The following RBMXL1 variants were observed in gnomAD, a reference collection of about 807,000 sequenced individuals.
RBMXL1 encodes RNA binding motif protein, X-linked-like-1.
RBMXL1 carries 18 observed loss-of-function variants against 29.0 expected under a neutral mutation model. The ratio of observed to expected loss-of-function variants is 0.62; its 90% confidence interval spans 0.43 to 0.92. The LOEUF (loss-of-function observed/expected upper bound fraction) is 0.92. RBMXL1 is among the 40% of genes least tolerant of loss of function. The probability of loss-of-function intolerance (pLI) is 0.00; values close to 1 mark genes in which losing one functional copy is unlikely to be tolerated. For synonymous variants in RBMXL1, 141 were observed against 170.4 expected (o/e 0.83, Z 1.34); for missense variants, 403 against 495.8 (o/e 0.81, Z 1.78).
chr1:88,984,463 C>T (rs1039221433), intron 2 of RBMXL1, among the ~76,000 whole-genome samples: 1 of 152,110 alleles, frequency 6.6e-6, no homozygotes, highest in Non-Finnish European at 1.5e-5. Context: ...CCGCCTGCCT[C>T]GGCCTCCCAG....
At position 88,986,048 on chromosome 1, in the gene RBMXL1, G is replaced by A. The variant is rs568057678; in HGVS notation, c.-240-1982C>T. Among the ~76,000 whole-genome samples, 5 of 152,198 alleles carry A rather than the reference G, an allele frequency of 3.3e-5. No homozygotes were observed. The South Asian group carries it at 8.3e-4, about 25-fold the overall frequency. On this transcript the variant is annotated intron_variant, in intron 2 of 2. Transcript: ENST00000652648. ...ATACAAATATTGGCCGGGAGTGGTGGCGGGCACCTATAGTCCCAGCTACTC... is the reference window on the plus strand; with the variant it reads ...ATACAAATATTGGCCGGGAGTGGTGACGGGCACCTATAGTCCCAGCTACTC...
chr1:88,992,324 G>C (rs1333003293), intron 1 of RBMXL1, among the ~76,000 whole-genome samples: 1 of 152,228 alleles, frequency 6.6e-6, no homozygotes, highest in African/African-American at 2.4e-5. Context: ...CCTTCTAAAA[G>C]CCCAAACAGC....
intron 2 of RBMXL1, among the ~76,000 whole-genome samples, chr1:88,986,652 T>C (rs1161512434): frequency 6.6e-6 from 1 of 152,098 alleles, no homozygotes; most frequent in Admixed American, 6.5e-5. Flanking sequence ...AAAATGTTTT[T>C]GTAAAAAAGC....
In RBMXL1 at chr1:88,988,212, A is replaced by G. The variant is rs749043742; in HGVS notation, c.-241+40T>C. The G allele has an allele frequency of 2.9e-6, 4 of 1,359,336 alleles. No individual in the cohort carries two copies. The African/African-American group carries it at 5.8e-5, about 20-fold the overall frequency. The allele number at this position is 1,359,336 out of a possible 1,614,324, so 84.2% of individuals were successfully genotyped here. A position where few individuals can be genotyped will look rare whatever the true frequency, so the allele number is the denominator to read the frequency against. On this transcript the variant is annotated intron_variant, in intron 2 of 2. Coordinates refer to ENST00000652648, the MANE Select transcript of RBMXL1 (RefSeq NM_001162536.3). Reference sequence around the variant, plus strand: ...ATTACATATTTTTTGGACAGTGCAGAATATGTACAATAATTTATCTGTAAG... The same window carrying G: ...ATTACATATTTTTTGGACAGTGCAGGATATGTACAATAATTTATCTGTAAG...
At position 88,980,019 on chromosome 1, in the gene RBMXL1, T is replaced by C. The variant is rs1676999804; in HGVS notation, c.*2635A>G. 1 of 152,196 alleles carries C rather than the reference T, an allele frequency of 6.6e-6. No individual in the cohort carries two copies. The highest frequency in any genetic ancestry group is 2.1e-4 in the South Asian group (1 of 4,832). The allele number at this position is 152,196 out of a possible 1,614,324, so 9.4% of individuals were successfully genotyped here. ...AATAAGCTACTGATACACTGCAACC[T>C]GGTGAATTTCAAAGTCATTGTGTGT... is the stretch of plus-strand genomic sequence containing the variant. On this transcript the variant is annotated 3_prime_UTR_variant, in exon 3 of 3. Transcript: ENST00000652648.
At chr1:88,984,997 T>C (rs1386751443) in intron 2 of RBMXL1, among the ~76,000 whole-genome samples, 2 of 152,270 alleles carry the variant, frequency 1.3e-5, no homozygotes, top group Non-Finnish European at 2.9e-5. Flanking sequence ...TTCATTTTTA[T>C]ATTTGTATGA....
At chr1:88,989,763 T>A (rs1028375046) in intron 1 of RBMXL1, among the ~76,000 whole-genome samples, 1 of 152,202 alleles carries the variant, frequency 6.6e-6, no homozygotes, top group Non-Finnish European at 1.5e-5. Context: ...TGCCCCTAAA[T>A]CTAAGTCTAC....
rs1310330032 is a variant in RBMXL1 at position 88,980,625 on chromosome 1, G to C, written c.*2029C>G. On this transcript the variant is annotated 3_prime_UTR_variant, in exon 3 of 3. Transcript: ENST00000652648. ...TGATTCTTTTTCCACACGTCTGCTA[G>C]TTCAGTAAACTATTTATCAAACAGG... 6.6e-6 allele frequency: 1 copy of C among 152,510 alleles called. No individual in the cohort carries two copies. The highest frequency in any genetic ancestry group is 1.9e-4 in the East Asian group (1 of 5,204). The allele number at this position is 152,510 out of a possible 1,614,324, so 9.4% of individuals were successfully genotyped here. A position where few individuals can be genotyped will look rare whatever the true frequency, so the allele number is the denominator to read the frequency against.
At chr1:88,986,642 A>G (rs768495371) in intron 2 of RBMXL1, among the ~76,000 whole-genome samples, 2 of 152,134 alleles carry the variant, frequency 1.3e-5, no homozygotes, top group Non-Finnish European at 2.9e-5. Flanking sequence ...GAGAATATGT[A>G]AAATGTTTTT....
chr1:88,986,375 C>T (rs890259497), intron 2 of RBMXL1, among the ~76,000 whole-genome samples: 20 of 151,574 alleles, frequency 1.3e-4, no homozygotes, highest in African/African-American at 4.8e-4. Flanking sequence ...CCTGTAATCC[C>T]AGCACTTTGG....
At chr1:88,991,602 C>G (rs969000049) in intron 1 of RBMXL1, among the ~76,000 whole-genome samples, 1 of 152,200 alleles carries the variant, frequency 6.6e-6, no homozygotes, top group African/African-American at 2.4e-5. Context: ...AAAGCCACGT[C>G]TTTAGAACAA....
At chr1:88,991,187 G>A (rs1187708268) in intron 1 of RBMXL1, among the ~76,000 whole-genome samples, 1 of 152,198 alleles carries the variant, frequency 6.6e-6, no homozygotes, top group African/African-American at 2.4e-5. Context: ...GCCCGAAGCT[G>A]AGAAAGCTGG....
At position 88,983,806 on chromosome 1, in the gene RBMXL1, T is replaced by C; in HGVS notation, c.21A>G (p.Pro7=). The C allele has an allele frequency of 6.2e-7, 1 of 1,614,014 alleles. No individual in the cohort carries two copies. The highest frequency in any genetic ancestry group is 2.2e-5 in the East Asian group (1 of 44,882). Residue 7 remains proline (P), a synonymous_variant, in exon 3 of 3, where the codon CCA becomes CCG. Transcript: ENST00000652648. ...TAAGCCCACCAATGAAGAGCTTTCCTGGGCGATCTGCTTCAACCATTTTTT... is the reference window on the plus strand; with the variant it reads ...TAAGCCCACCAATGAAGAGCTTTCCCGGGCGATCTGCTTCAACCATTTTTT... MVEADR[P]GKLFIGGLNT... is the part of the protein sequence containing the mutation.
At chr1:88,984,126 A>T in intron 2 of RBMXL1, 60 bp from the exon 3 acceptor site, 1 of 397,528 alleles carries the variant, frequency 2.5e-6, no homozygotes, top group East Asian at 4.6e-5. Context: ...GCAGGGAAAG[A>T]TGCTTAAAGA....
chr1:88,980,128 T>C lies in RBMXL1; in HGVS notation c.*2526A>G, dbSNP rs1166378585. ...AACACCACCACAAAGCAAACTAATA[T>C]ATGGTGACAAAGACAAATCAGCAGC... On this transcript the variant is annotated 3_prime_UTR_variant, in exon 3 of 3. Transcript: ENST00000652648. The C allele has an allele frequency of 5.3e-5, 8 of 152,290 alleles. No homozygotes were observed. The highest frequency in any genetic ancestry group is 4.6e-4 in the Admixed American group (7 of 15,282). 9.4% of individuals were successfully genotyped at this position (152,290 alleles called of 1,614,324 possible). A position where few individuals can be genotyped will look rare whatever the true frequency, so the allele number is the denominator to read the frequency against.
chr1:88,992,517 T>C (rs1677871388), intron 1 of RBMXL1, 68 bp downstream of exon 1: 3 of 152,572 alleles, frequency 2.0e-5, no homozygotes, highest in Admixed American at 6.5e-5. Flanking sequence ...CCTCGCCCCG[T>C]ACGCCGGGAC....
chr1:88,980,654 C>T lies in RBMXL1; in HGVS notation c.*2000G>A, dbSNP rs1376121777. 6.6e-6 allele frequency: 1 copy of T among 152,480 alleles called. No homozygotes were observed. Among genetic ancestry groups the T allele is most frequent in the South Asian group, 2.1e-4 (1 of 4,828 alleles). The allele number at this position is 152,480 out of a possible 1,614,324, so 9.4% of individuals were successfully genotyped here. A position where few individuals can be genotyped will look rare whatever the true frequency, so the allele number is the denominator to read the frequency against. On this transcript the variant is annotated 3_prime_UTR_variant, in exon 3 of 3. Coordinates refer to ENST00000652648, the MANE Select transcript of RBMXL1 (RefSeq NM_001162536.3). ...AGTAAACTATTTATCAAACAGGTGT[C>T]TGGTCATTTTAACATACTCCTTGCT... is the stretch of plus-strand genomic sequence containing the variant.
At chr1:88,988,436 C>G (rs1307890440) in intron 1 of RBMXL1, 85 bp from the exon 2 acceptor site, 1 of 703,888 alleles carries the variant, frequency 1.4e-6, no homozygotes, top group Non-Finnish European at 2.4e-6. Flanking sequence ...GCTGATGTAT[C>G]ATAAGCTTAC....
In RBMXL1 at chr1:88,982,894, A is replaced by T. The variant is rs759803535; in HGVS notation, c.933T>A (p.Asp311Glu). Residue 311 changes from aspartate (D) to glutamate (E), a missense_variant, in exon 3 of 3, where the codon GAT becomes GAA. By Grantham distance (45) the Asp-to-Glu change is conservative (BLOSUM62 2). Coordinates refer to ENST00000652648, the MANE Select transcript of RBMXL1 (RefSeq NM_001162536.3). ...ATCCATCACGTGAGCTGCTATAATC[A>T]TCATAGCGACTGCTTCCACCATAAG... The part of the protein sequence containing the change: ...PPSYGGSSRY[D>E]DYSSSRDGYG... 9.9e-6 allele frequency: 16 copies of T among 1,613,974 alleles called. No homozygotes were observed. The highest frequency in any genetic ancestry group is 1.3e-5 in the African/African-American group (1 of 75,040).
Sources: allele counts gnomAD v4.1 joint callset (sites outside exome capture counted in the v4.1 genomes callset), GRCh38; gene constraint gnomAD v4.1.1; transcripts MANE v1.5; gene names NCBI Gene and HGNC (gene_info 2026-07-23, HGNC 2026-07-21).